NCOR1: variants seen among roughly 807,000 people sequenced by gnomAD.
NCOR1 encodes the protein nuclear receptor corepressor 1, also known as protein phosphatase 1, regulatory subunit 109.
Under a neutral mutation model 288.1 loss-of-function variants are expected in NCOR1, and 63 were observed. The observed-to-expected ratio is 0.22, with a 90% confidence interval of 0.18 to 0.27. The LOEUF is 0.27. Among genes scored for constraint, NCOR1 ranks in the 10% least tolerant of loss-of-function variants. The pLI is 1.00. For synonymous variants in NCOR1, 1,007 were observed against 1,065.9 expected, an observed-to-expected ratio of 0.94 and a Z score of 1.08; for missense variants, 2,397 against 3,019.2, an observed-to-expected ratio of 0.79 and a Z score of 4.83.
At chr17:16,117,448 A>G (rs892149248) in intron 18 of NCOR1, among the ~76,000 whole-genome samples, 9 of 151,616 alleles carry the variant, frequency 5.9e-5, no homozygotes, top group East Asian at 3.9e-4. Context: ...CCTTTTACAT[A>G]TAAGTGCAAT....
chr17:16,085,821 T>C (rs141440643), intron 23 of NCOR1, among the ~76,000 whole-genome samples: 1 of 152,346 alleles, frequency 6.6e-6, no homozygotes, highest in African/African-American at 2.4e-5. Flanking sequence ...CTGATGGAAC[T>C]GTGAAGACCA....
In NCOR1 at chr17:16,071,587, A is replaced by T. The variant is rs761337131; in HGVS notation, c.3974T>A (p.Ile1325Lys). Residue 1325 changes from isoleucine to lysine, a missense_variant, in exon 30 of 46, where the codon ATA (isoleucine) becomes AAA (lysine). By Grantham distance (102) the Ile-to-Lys change is moderately radical. Transcript: ENST00000268712. ...PKQIKRESPP[I>K]RAFEGAITKG... ...GGTAATGGCACCTTCAAATGCTCGT[A>T]TGGGAGGACTTTCCCTTTTAATTTG... 3 of 1,614,056 alleles carry T rather than the reference A, an allele frequency of 1.9e-6. No homozygotes were observed. The highest frequency in any genetic ancestry group is 2.5e-6 in the Non-Finnish European group (3 of 1,180,012).
At chr17:16,140,690 T>C (rs1278401149) in intron 11 of NCOR1, among the ~76,000 whole-genome samples, 1 of 152,180 alleles carries the variant, frequency 6.6e-6, no homozygotes, top group Non-Finnish European at 1.5e-5. Flanking sequence ...GGCATGTGCC[T>C]GTAGTCCCTG....
At chr17:16,168,072 A>T (rs749399732) in intron 4 of NCOR1, among the ~76,000 whole-genome samples, 108 of 152,286 alleles carry the variant, frequency 7.1e-4, no homozygotes, top group Middle Eastern at 3.4e-3. Context: ...ATAAACAAAT[A>T]AAAAAAGTTA....
intron 21 of NCOR1, among the ~76,000 whole-genome samples, chr17:16,097,284 T>C (rs984148211): frequency 2.0e-5 from 3 of 152,108 alleles, no homozygotes; most frequent in African/African-American, 7.2e-5. Context: ...CTCTTAATAT[T>C]TTGCCCAGAC....
chr17:16,080,820 TA>T (rs879731007), intron 23 of NCOR1, 93 bp from the exon 24 acceptor site: 102,957 of 853,062 alleles, frequency 0.12, 1 homozygote, highest in East Asian at 0.16. Flanking sequence ...CATTTCTGTT[TA>T]AAAAAAAAAA....
chr17:16,077,172 G>A (rs371055067), intron 26 of NCOR1, among the ~76,000 whole-genome samples: 3 of 151,936 alleles, frequency 2.0e-5, no homozygotes, highest in Admixed American at 1.3e-4. Flanking sequence ...CAAGACGGGC[G>A]GATCACCTGA....
intron 17 of NCOR1, 114 bp downstream of exon 17, chr17:16,119,309 G>T: frequency 2.8e-6 from 2 of 711,714 alleles, no homozygotes; most frequent in Non-Finnish European, 4.6e-6. Flanking sequence ...AGTCCTCTTT[G>T]CCTTTTTGAA....
At chr17:16,067,109 G>A (rs1366868985) in intron 32 of NCOR1, among the ~76,000 whole-genome samples, 1 of 152,196 alleles carries the variant, frequency 6.6e-6, no homozygotes, top group African/African-American at 2.4e-5. Context: ...TGTACCAACC[G>A]ATGTGACTGC....
chr17:16,158,607 A>C (rs1365535597), intron 6 of NCOR1, among the ~76,000 whole-genome samples, 153 bp downstream of exon 6: 1 of 152,234 alleles, frequency 6.6e-6, no homozygotes, highest in Non-Finnish European at 1.5e-5. Flanking sequence ...AAAAACACCA[A>C]GCTTCAGTCA....
chr17:16,029,790 T>C lies in NCOR1; in HGVS notation c.*2506A>G, dbSNP rs1170487371. 1 of 152,532 alleles carries C rather than the reference T, an allele frequency of 6.6e-6. No homozygotes were observed. Among genetic ancestry groups the C allele is most frequent in the East Asian group, 1.9e-4 (1 of 5,210 alleles). The allele number at this position is 152,532 out of a possible 1,614,324, so 9.4% of individuals were successfully genotyped here. ...AAGAACTATTATTGGATTTTAACTC[T>C]CATTCTGAGATTTCTTCTCCAGGTG... is the stretch of plus-strand genomic sequence containing the variant. On this transcript the variant is annotated 3_prime_UTR_variant, in exon 46 of 46. Transcript: ENST00000268712.
chr17:16,176,405 A>G (rs1461985694), intron 3 of NCOR1, among the ~76,000 whole-genome samples: 1 of 151,828 alleles, frequency 6.6e-6, no homozygotes, highest in Non-Finnish European at 1.5e-5. Flanking sequence ...AGTAGCTGGG[A>G]TTATAGACGT....
chr17:16,042,921 T>C (rs1390699581), intron 42 of NCOR1, among the ~76,000 whole-genome samples: 3 of 152,182 alleles, frequency 2.0e-5, no homozygotes, highest in Non-Finnish European at 4.4e-5. Context: ...GTTTTCAGCA[T>C]ACAAGCGACC....
At chr17:16,063,645 G>A (rs2060788885) in intron 35 of NCOR1, among the ~76,000 whole-genome samples, 1 of 152,124 alleles carries the variant, frequency 6.6e-6, no homozygotes, top group Non-Finnish European at 1.5e-5. Flanking sequence ...CTCTGATCAT[G>A]TCACCTGCCT....
chr17:16,125,736 G>A (rs1414835590), intron 15 of NCOR1, among the ~76,000 whole-genome samples: 1 of 149,466 alleles, frequency 6.7e-6, no homozygotes, highest in Non-Finnish European at 1.5e-5. Flanking sequence ...TACTTTTGCA[G>A]CAACATGGAT....
chr17:16,051,364 C>G (rs1356817875), intron 40 of NCOR1, among the ~76,000 whole-genome samples: 2 of 152,110 alleles, frequency 1.3e-5, no homozygotes, highest in African/African-American at 4.8e-5. Flanking sequence ...AAAAATCACT[C>G]CATACAATTA....
rs779536132 is a variant in NCOR1 at position 16,075,703 on chromosome 17, C to G, written c.3502-1G>C. 6.2e-7 allele frequency: 1 copy of G among 1,613,878 alleles called. No individual in the cohort carries two copies. Among genetic ancestry groups the G allele is most frequent in the Admixed American group, 1.7e-5 (1 of 59,978 alleles). On this transcript the variant is annotated splice_acceptor_variant, in intron 26 of 45. Coordinates refer to ENST00000268712, the MANE Select transcript of NCOR1 (RefSeq NM_006311.4). LOFTEE classifies it high-confidence loss of function. ...CAGTCTGGGGCAGAGCCGGGGTGCC[C>G]TGCCATCAAATCAAGCATAAATAGC... is the stretch of plus-strand genomic sequence containing the variant.
At chr17:16,127,705 A>ATG (rs368873155) in intron 14 of NCOR1, among the ~76,000 whole-genome samples, 2,989 of 133,478 alleles carry the variant, frequency 0.022, 144 homozygotes, top group African/African-American at 0.057. Flanking sequence ...ATATGTATAT[A>ATG]TGTGTGTGTA....
Position 16,075,687 on chromosome 17 carries a change from G to A in NCOR1, c.3517C>T (p.Pro1173Ser), listed in dbSNP as rs2152770705. The change falls in exon 27 of 46, where the codon CCC (proline) becomes TCC (serine). Residue 1173 changes from proline to serine, a missense_variant. Pro to Ser is a moderately conservative substitution (Grantham distance 74). Transcript: ENST00000268712. Reference sequence around the variant, plus strand: ...GCCTCTGTTGGTATGCCAGTCTGGGGCAGAGCCGGGGTGCCCTGCCATCAA... The same window carrying A: ...GCCTCTGTTGGTATGCCAGTCTGGGACAGAGCCGGGGTGCCCTGCCATCAA... ...GSITQGTPAL[P>S]QTGIPTEALV... 6.2e-7 allele frequency: 1 copy of A among 1,614,096 alleles called. No homozygotes were observed. Among genetic ancestry groups the A allele is most frequent in the Admixed American group, 1.7e-5 (1 of 60,018 alleles).
Sources: gnomAD v4.1 joint callset for allele counts (sites outside exome capture counted in the v4.1 genomes callset) on GRCh38, gnomAD v4.1.1 for gene constraint, MANE v1.5 for transcripts, NCBI Gene and HGNC (gene_info 2026-07-23, HGNC 2026-07-21) for gene names.